The following MKLN1 variants were observed in gnomAD, a reference collection of about 807,000 sequenced individuals.
MKLN1 encodes the protein muskelin 1.
In MKLN1, 18 loss-of-function variants were observed where a neutral mutation model predicts 99.0. The ratio of observed to expected loss-of-function variants is 0.18; its 90% CI spans 0.13 to 0.27. The LOEUF (loss-of-function observed/expected upper bound fraction) is 0.27. Ranked by LOEUF, MKLN1 falls within the 10% of genes least tolerant of loss-of-function variation. The pLI is 1.00. For missense variants in MKLN1, 621 were observed against 875.9 expected, an observed-to-expected ratio of 0.71 and a Z score of 3.67; for synonymous variants, 288 against 293.2, an observed-to-expected ratio of 0.98 and a Z score of 0.18.
At chr7:131,444,673 C>A (rs903673299) in intron 11 of MKLN1, among the ~76,000 whole-genome samples, 2 of 151,070 alleles carry the variant, frequency 1.3e-5, no homozygotes, top group Non-Finnish European at 2.9e-5. Context: ...CCTTAGCCCC[C>A]CAAGTAGCTA....
chr7:131,328,705 C>G (rs975664035), intron 1 of MKLN1, among the ~76,000 whole-genome samples: 7 of 152,182 alleles, frequency 4.6e-5, no homozygotes, highest in African/African-American at 1.4e-4. Context: ...ACACGTTTCC[C>G]AGTCCGGAAA....
At chr7:131,248,676 C>A (rs1446144391) in intron 3 of MKLN1, among the ~76,000 whole-genome samples, 1 of 152,058 alleles carries the variant, frequency 6.6e-6, no homozygotes, top group Admixed American at 6.5e-5. Flanking sequence ...TTTTTCTCAT[C>A]TCGTCCAGGT....
At chr7:131,452,504 T>C (rs1796209349) in intron 12 of MKLN1, among the ~76,000 whole-genome samples, 1 of 151,682 alleles carries the variant, frequency 6.6e-6, no homozygotes. Context: ...TTTAAAAAAT[T>C]AGTATGGTCA....
chr7:131,319,485 T>A (rs111307797), intron 3 of MKLN1, among the ~76,000 whole-genome samples: 6,592 of 152,206 alleles, frequency 0.043, 434 homozygotes, highest in African/African-American at 0.15. Context: ...ATAGCCAAGA[T>A]CATACTGAAT....
Position 131,414,645 on chromosome 7 carries a change from G to A in MKLN1, c.782G>A (p.Gly261Asp). The change falls in exon 8 of 18, where the codon GGT (glycine) becomes GAT (aspartate). Residue 261 changes from glycine (G) to aspartate (D), a missense_variant and splice_region_variant. Transcript: ENST00000352689. ...WSQIIPKSTK[G>D]DGEDNRPGMR... is the part of the protein sequence containing the mutation. ...AAAGAAACTATTATTTCTTCTAAAGGTGATGGGGAAGATAACCGTCCAGGA... is the reference window on the plus strand; with the variant it reads ...AAAGAAACTATTATTTCTTCTAAAGATGATGGGGAAGATAACCGTCCAGGA... 1 of 1,601,262 alleles carries A rather than the reference G, an allele frequency of 6.2e-7. No homozygotes were observed. Among genetic ancestry groups the A allele is most frequent in the Non-Finnish European group, 8.5e-7 (1 of 1,170,838 alleles).
intron 2 of MKLN1, among the ~76,000 whole-genome samples, chr7:131,174,408 C>T (rs574939584): frequency 3.7e-4 from 57 of 152,258 alleles, no homozygotes; most frequent in South Asian, 2.1e-3. Context: ...GATGGGAAAA[C>T]AATAGCGGGG....
At position 131,121,560 on chromosome 7, in the gene MKLN1, C is replaced by A. The variant is rs569021507; in HGVS notation, c.-419+11353C>A. ...GGCTGAGGCAGGGGAATAGCATGAACCCCTGGGGGCGGAGCTTGCAGTGAG... is the reference window on the plus strand; with the variant it reads ...GGCTGAGGCAGGGGAATAGCATGAAACCCTGGGGGCGGAGCTTGCAGTGAG... On this transcript the variant is annotated intron_variant, in intron 1 of 7. Coordinates refer to the MKLN1 transcript ENST00000416992. 1.5e-3 allele frequency among the ~76,000 whole-genome samples: 218 copies of A among 143,980 alleles called. 1 individual carries two copies. Among genetic ancestry groups the A allele is most frequent in the African/African-American group, 4.9e-3 (192 of 39,242 alleles). The allele number at this position is 143,980 out of a possible 152,430, so 94.5% of individuals were successfully genotyped here. A position where few individuals can be genotyped will look rare whatever the true frequency, so the allele number is the denominator to read the frequency against.
intron 2 of MKLN1, among the ~76,000 whole-genome samples, chr7:131,199,886 C>T (rs528732678): frequency 3.3e-5 from 5 of 152,036 alleles, no homozygotes; most frequent in Non-Finnish European, 5.9e-5. Flanking sequence ...TTAGAGGAGA[C>T]GGGGCTTTGC....
intron 12 of MKLN1, among the ~76,000 whole-genome samples, chr7:131,456,548 T>G (rs548138067): frequency 9.2e-5 from 14 of 152,082 alleles, no homozygotes; most frequent in Non-Finnish European, 1.6e-4. Flanking sequence ...GGGCAAACAT[T>G]ATGTCAGTGC....
intron 3 of MKLN1, among the ~76,000 whole-genome samples, chr7:131,240,633 G>A (rs1450427119): frequency 2.0e-5 from 3 of 152,196 alleles, no homozygotes; most frequent in African/African-American, 7.2e-5. Flanking sequence ...TCATTCATAC[G>A]CTATAACCTG....
intron 2 of MKLN1, among the ~76,000 whole-genome samples, chr7:131,381,692 A>G (rs1793851057): frequency 6.6e-6 from 1 of 152,216 alleles, no homozygotes; most frequent in Non-Finnish European, 1.5e-5. Context: ...ATACACTCAC[A>G]CAGACACATA....
At chr7:131,163,483 G>C (rs528224029) in intron 2 of MKLN1, among the ~76,000 whole-genome samples, 14 of 152,200 alleles carry the variant, frequency 9.2e-5, no homozygotes, top group South Asian at 8.3e-4. Flanking sequence ...AGATGGAGTA[G>C]ACTGAGATGA....
chr7:131,120,464 G>A (rs1018683213), intron 1 of MKLN1, among the ~76,000 whole-genome samples: 1 of 145,668 alleles, frequency 6.9e-6, no homozygotes, highest in African/African-American at 2.5e-5. Flanking sequence ...CAAGAGAATG[G>A]CGTGAACCCA....
intron 1 of MKLN1, among the ~76,000 whole-genome samples, chr7:131,356,600 G>A (rs1799889038): frequency 6.6e-6 from 1 of 152,170 alleles, no homozygotes; most frequent in African/African-American, 2.4e-5. Flanking sequence ...TGTTGAAAGC[G>A]ATATCCGGCC....
chr7:131,268,216 A>T (rs1327661503), intron 3 of MKLN1, among the ~76,000 whole-genome samples: 1 of 152,172 alleles, frequency 6.6e-6, no homozygotes, highest in African/African-American at 2.4e-5. Context: ...AGGCTTTAAA[A>T]TTCACTCCAG....
At chr7:131,353,903 TAAAAAA>T (rs35581656) in intron 1 of MKLN1, among the ~76,000 whole-genome samples, 16 of 113,716 alleles carry the variant, frequency 1.4e-4, no homozygotes, top group South Asian at 2.9e-4. Flanking sequence ...TGTACCTTTG[TAAAAAA>T]AAAAAAAAAA....
chr7:131,370,350 A>G (rs1044588805), intron 1 of MKLN1, among the ~76,000 whole-genome samples: 5 of 149,370 alleles, frequency 3.3e-5, no homozygotes, highest in African/African-American at 1.2e-4. Context: ...TTCTGTTTAT[A>G]ATTATGGCGG....
chr7:131,481,102 C>G (rs944300639), intron 17 of MKLN1, among the ~76,000 whole-genome samples: 1 of 152,104 alleles, frequency 6.6e-6, no homozygotes, highest in African/African-American at 2.4e-5. Context: ...GAGAAAAATA[C>G]AAGCAGGGGA....
intron 3 of MKLN1, among the ~76,000 whole-genome samples, chr7:131,279,872 T>A (rs899699156): frequency 6.6e-6 from 1 of 152,286 alleles, no homozygotes; most frequent in Non-Finnish European, 1.5e-5. Context: ...AATACTATTG[T>A]GCAACCATCA....
Sources: allele counts gnomAD v4.1 joint callset (sites outside exome capture counted in the v4.1 genomes callset), GRCh38; gene constraint gnomAD v4.1.1; transcripts MANE v1.5; gene names NCBI Gene and HGNC (gene_info 2026-07-23, HGNC 2026-07-21).